The following GTF2IRD1 variants were observed in gnomAD, a reference collection of about 807,000 sequenced individuals.
GTF2IRD1 encodes GTF2I repeat domain containing 1.
GTF2IRD1 carries 26 observed loss-of-function variants against 113.2 expected under a neutral mutation model. The ratio of observed to expected loss-of-function variants is 0.23; its 90% CI spans 0.17 to 0.32. The LOEUF (loss-of-function observed/expected upper bound fraction) is 0.32. Among genes scored for constraint, GTF2IRD1 ranks in the 10% least tolerant of loss-of-function variants. GTF2IRD1 has a pLI of 1.00. For synonymous variants in GTF2IRD1, 484 were observed against 529.1 expected (o/e 0.91, Z 1.17); for missense variants, 864 against 1,280.8 (o/e 0.67, Z 4.97).
chr7:74,523,407 T>A lies in GTF2IRD1; in HGVS notation c.1007-664T>A, dbSNP rs1053650264. Among the ~76,000 whole-genome samples the A allele has an allele frequency of 8.6e-5, 13 of 151,342 alleles. 1 individual carries two copies. Among genetic ancestry groups the A allele is most frequent in the African/African-American group, 1.7e-4 (7 of 41,318 alleles). ...CCCTGTCTCTATTTTTTTAAAAAAA[T>A]TTAAATTAAAAAATAAAATACTCGA... is the stretch of plus-strand genomic sequence containing the variant. On this transcript the variant is annotated intron_variant, in intron 7 of 26. Transcript: ENST00000424337.
At chr7:74,579,332 A>G (rs1554365489) in intron 22 of GTF2IRD1, among the ~76,000 whole-genome samples, 1 of 152,070 alleles carries the variant, frequency 6.6e-6, no homozygotes, top group Non-Finnish European at 1.5e-5. Context: ...AGGAAGAGGA[A>G]GAAGGCCAGG....
chr7:74,525,641 A>C (rs1797554591), intron 8 of GTF2IRD1, among the ~76,000 whole-genome samples: 1 of 152,036 alleles, frequency 6.6e-6, no homozygotes, highest in Admixed American at 6.6e-5. Context: ...CTGTAATCTT[A>C]GCTACTTTGG....
chr7:74,557,289 C>A (rs782539731), intron 19 of GTF2IRD1, among the ~76,000 whole-genome samples: 3 of 152,192 alleles, frequency 2.0e-5, no homozygotes, highest in Non-Finnish European at 4.4e-5. Flanking sequence ...TCTCCAGCCC[C>A]CTAGTGACTT....
At chr7:74,475,015 A>T (rs1794321109) in intron 1 of GTF2IRD1, among the ~76,000 whole-genome samples, 1 of 152,136 alleles carries the variant, frequency 6.6e-6, no homozygotes, top group African/African-American at 2.4e-5. Context: ...CCAGATACTC[A>T]GGAAGGATTT....
intron 25 of GTF2IRD1, among the ~76,000 whole-genome samples, chr7:74,595,673 G>A (rs1302147879): frequency 6.6e-6 from 1 of 152,192 alleles, no homozygotes. Flanking sequence ...TCCATGAACA[G>A]AGCCAGGTAT....
chr7:74,583,390 T>G (rs1801536328), intron 22 of GTF2IRD1, among the ~76,000 whole-genome samples: 1 of 137,068 alleles, frequency 7.3e-6, no homozygotes, highest in East Asian at 2.0e-4. Flanking sequence ...TTTTTTTTTT[T>G]GTGGAGACAG....
Position 74,524,165 on chromosome 7 carries a change from G to A in GTF2IRD1, c.1090+11G>A, listed in dbSNP as rs782585252. ...TTAACAGCAGATATGGTGAGTGGGC[G>A]GCGCGGCCCGCCGTGTGGCCCCAGC... On this transcript the variant is annotated intron_variant, in intron 8 of 26. Coordinates refer to ENST00000424337, the MANE Select transcript of GTF2IRD1 (RefSeq NM_005685.4). The A allele has an allele frequency of 4.4e-6, 7 of 1,587,736 alleles. No homozygotes were observed. The East Asian group carries it at 6.7e-5, about 15-fold the overall frequency.
chr7:74,601,071 A>G lies in GTF2IRD1; in HGVS notation c.2657A>G (p.Lys886Arg). The G allele has an allele frequency of 6.2e-7, 1 of 1,614,164 alleles. No individual in the cohort carries two copies. Among genetic ancestry groups the G allele is most frequent in the Non-Finnish European group, 8.5e-7 (1 of 1,180,022 alleles). The change falls in exon 26 of 27, where the codon AAG becomes AGG. Residue 886 changes from lysine to arginine, a missense_variant. By Grantham distance (26) the Lys-to-Arg change is conservative. This residue lies in a region of GTF2IRD1 where 55 missense variants were observed against 52.2 expected (regional missense o/e 1.05). Coordinates refer to ENST00000424337, the MANE Select transcript of GTF2IRD1 (RefSeq NM_005685.4). ...PAKDSSIPKRKRKRVSEGNSV... is the reference protein window; with the variant it reads ...PAKDSSIPKRRRKRVSEGNSV... ...AAAGACAGCAGCATTCCCAAGCGCA[A>G]GAGAAAGCGGGTCTCGGAAGGAAAT...
At chr7:74,488,448 T>C (rs79022834) in intron 1 of GTF2IRD1, among the ~76,000 whole-genome samples, 3,473 of 152,270 alleles carry the variant, frequency 0.023, 127 homozygotes, top group African/African-American at 0.078. Context: ...AAGTAGGATG[T>C]TTTTAGCTGC....
At chr7:74,496,450 T>G (rs1032532158) in intron 1 of GTF2IRD1, among the ~76,000 whole-genome samples, 1 of 145,882 alleles carries the variant, frequency 6.9e-6, no homozygotes, top group African/African-American at 2.6e-5. Context: ...CATTTGAGTG[T>G]GGGTGTGCAT....
chr7:74,584,097 C>T (rs1449993083), intron 22 of GTF2IRD1, among the ~76,000 whole-genome samples: 1 of 152,116 alleles, frequency 6.6e-6, no homozygotes, highest in African/African-American at 2.4e-5. Flanking sequence ...GAAAAAGAGA[C>T]TCAAGCTGCA....
chr7:74,472,253 G>C (rs1159376067), intron 1 of GTF2IRD1, among the ~76,000 whole-genome samples: 1 of 56,122 alleles, frequency 1.8e-5, no homozygotes, highest in African/African-American at 7.4e-5. Context: ...CTGCAGTGGG[G>C]CCCCCCTCTT....
intron 22 of GTF2IRD1, among the ~76,000 whole-genome samples, chr7:74,574,391 G>A (rs1474207577): frequency 2.0e-5 from 3 of 150,374 alleles, no homozygotes; most frequent in African/African-American, 4.9e-5. Context: ...GGATCTCACC[G>A]CCTTGGTTTC....
In GTF2IRD1 at chr7:74,536,225, C is replaced by T. The variant is rs1554350141; in HGVS notation, c.1359C>T (p.Thr453=). 3 of 1,613,568 alleles carry T rather than the reference C, an allele frequency of 1.9e-6. No homozygotes were observed. The highest frequency in any genetic ancestry group is 2.7e-5 in the African/African-American group (2 of 74,926). The part of the protein sequence containing the change: ...KLEPASPPED[T]SAEVSRATVL... Reference sequence around the variant, plus strand: ...AGCCAGCCAGCCCGCCAGAGGACACCTCTGCAGAGGTCTCTAGGGCCACCG... The same window carrying T: ...AGCCAGCCAGCCCGCCAGAGGACACTTCTGCAGAGGTCTCTAGGGCCACCG... The change falls in exon 11 of 27, where the codon ACC becomes ACT. Residue 453 remains threonine (T), a synonymous_variant. Transcript: ENST00000424337.
chr7:74,546,218 C>CTTTTT (rs1222914895), intron 16 of GTF2IRD1, among the ~76,000 whole-genome samples: 3 of 126,504 alleles, frequency 2.4e-5, no homozygotes, highest in Non-Finnish European at 5.1e-5. Context: ...CCATGTTTTT[C>CTTTTT]TTTTTTTTTT....
intron 6 of GTF2IRD1, 39 bp from the exon 7 acceptor site, chr7:74,521,169 G>T (rs1554345859): frequency 8.0e-7 from 1 of 1,244,496 alleles, no homozygotes; most frequent in South Asian, 1.2e-5. Flanking sequence ...ACCCTCTTGG[G>T]TCCCACCTGG....
At chr7:74,528,803 G>GTGGA (rs1243826177) in intron 8 of GTF2IRD1, among the ~76,000 whole-genome samples, 5,118 of 51,092 alleles carry the variant, frequency 0.1, 183 homozygotes, top group East Asian at 0.14. Flanking sequence ...GGGTGGGTGG[G>GTGGA]TGGATGGATG....
At chr7:74,527,410 T>C (rs1435555327) in intron 8 of GTF2IRD1, among the ~76,000 whole-genome samples, 1 of 152,198 alleles carries the variant, frequency 6.6e-6, no homozygotes, top group Admixed American at 6.5e-5. Flanking sequence ...GAGGATGACT[T>C]TAGCCAGAAG....
chr7:74,596,459 C>CA (rs1184751959), intron 25 of GTF2IRD1, among the ~76,000 whole-genome samples: 5,080 of 60,130 alleles, frequency 0.084, 143 homozygotes, highest in Non-Finnish European at 0.11. Context: ...GACTCTGTCT[C>CA]AAAAAAAAAA....
Sources: allele counts gnomAD v4.1 joint callset (sites outside exome capture counted in the v4.1 genomes callset), GRCh38; gene constraint gnomAD v4.1.1; regional missense constraint gnomAD v4.1.1; transcripts MANE v1.5; gene names NCBI Gene and HGNC (gene_info 2026-07-23, HGNC 2026-07-21).